Variants in DISC1 observed in about 807,000 individuals in gnomAD.
The protein encoded by DISC1 is DISC1 scaffold protein.
In DISC1, 57 loss-of-function variants were observed where a neutral mutation model predicts 84.5. That is an observed-to-expected ratio of 0.67 (90% CI 0.55 to 0.84). The LOEUF (loss-of-function observed/expected upper bound fraction) is 0.84. DISC1 is among the 40% of genes least tolerant of loss of function. The pLI is 0.00. For synonymous variants in DISC1, 411 were observed against 415.2 expected (o/e 0.99, Z 0.12); for missense variants, 1,000 against 1,057.8 (o/e 0.95, Z 0.76).
chr1:231,640,924 A>C (rs1223157843), intron 1 of DISC1, among the ~76,000 whole-genome samples: 2 of 152,140 alleles, frequency 1.3e-5, no homozygotes, highest in Non-Finnish European at 2.9e-5. Flanking sequence ...AGACTCTCCC[A>C]ATGCTGCCTT....
rs55740228 is a variant in DISC1 at position 232,002,595 on chromosome 1, GCACACA to G, written c.2043-6151_2043-6146del. 5.2e-3 allele frequency among the ~76,000 whole-genome samples: 746 copies of G among 143,718 alleles called. 6 individuals are homozygous for G. Among genetic ancestry groups the G allele is most frequent in the East Asian group, 0.015 (71 of 4,848 alleles). The allele number at this position is 143,718 out of a possible 152,430, so 94.3% of individuals were successfully genotyped here. On this transcript the variant is annotated intron_variant, in intron 10 of 12. Coordinates refer to ENST00000439617, the MANE Select transcript of DISC1 (RefSeq NM_018662.3). ...ACGAATCTCCAGGGAATTATGCTGA[GCACACA>G]CACACACACACACACACACACACAC...
At chr1:231,868,656 A>C (rs2085219411) in intron 9 of DISC1, among the ~76,000 whole-genome samples, 3 of 147,538 alleles carry the variant, frequency 2.0e-5, no homozygotes, top group Non-Finnish European at 4.5e-5. Flanking sequence ...CTAGGAGTTC[A>C]AGACCAGGCT....
chr1:232,002,706 TTTA>T (rs1365375717), intron 10 of DISC1, among the ~76,000 whole-genome samples: 1 of 151,792 alleles, frequency 6.6e-6, no homozygotes. Context: ...ATGACAACAT[TTTA>T]AAAAGTAGTA....
intron 9 of DISC1, among the ~76,000 whole-genome samples, chr1:231,845,117 C>T (rs561974324): frequency 4.5e-4 from 69 of 152,010 alleles, no homozygotes; most frequent in Admixed American, 1.2e-3. Flanking sequence ...ATGTTAATAC[C>T]GGAGGTTATA....
intron 1 of DISC1, among the ~76,000 whole-genome samples, chr1:231,646,107 C>A (rs2060109321): frequency 6.7e-6 from 1 of 149,928 alleles, no homozygotes; most frequent in African/African-American, 2.5e-5. Context: ...TTTTGATTAA[C>A]TCGTCATTTA....
chr1:231,809,748 A>G (rs1047723289), intron 8 of DISC1, among the ~76,000 whole-genome samples: 7 of 152,162 alleles, frequency 4.6e-5, no homozygotes, highest in Non-Finnish European at 8.8e-5. Context: ...TCCAATAATG[A>G]AAGTAGTTTT....
intron 10 of DISC1, among the ~76,000 whole-genome samples, chr1:231,985,949 G>A (rs1664365209): frequency 6.6e-6 from 1 of 152,126 alleles, no homozygotes; most frequent in African/African-American, 2.4e-5. Flanking sequence ...TGAAAATCTG[G>A]TGCCATCAGA....
In DISC1 at chr1:231,674,571, C is replaced by A. The variant is rs969971192; in HGVS notation, c.68-19255C>A. On this transcript the variant is annotated intron_variant, in intron 1 of 12. Coordinates refer to ENST00000439617, the MANE Select transcript of DISC1 (RefSeq NM_018662.3). The stretch of plus-strand genomic sequence containing the variant: ...ACTGATTTTCTTTTTGTCTCATCAC[C>A]AGGCTAGGTGTGACCCGGGTGTGCA... Among the ~76,000 whole-genome samples the A allele has an allele frequency of 2.0e-5, 3 of 152,270 alleles. 1 individual carries two copies. The highest frequency in any genetic ancestry group is 4.4e-5 in the Non-Finnish European group (3 of 68,022).
At chr1:231,979,494 C>CA (rs1663297323) in intron 10 of DISC1, among the ~76,000 whole-genome samples, 2 of 151,552 alleles carry the variant, frequency 1.3e-5, no homozygotes, top group South Asian at 4.2e-4. Flanking sequence ...ATTTTCAACT[C>CA]AAAGTTAATA....
chr1:231,852,353 A>G (rs1436314406), intron 9 of DISC1, among the ~76,000 whole-genome samples: 1 of 152,214 alleles, frequency 6.6e-6, no homozygotes, highest in African/African-American at 2.4e-5. Context: ...GGAATGCTCC[A>G]AAACTATTCA....
chr1:231,841,774 A>G (rs948336394), intron 9 of DISC1, among the ~76,000 whole-genome samples: 2 of 151,800 alleles, frequency 1.3e-5, no homozygotes, highest in South Asian at 2.1e-4. Flanking sequence ...AGGCTGCTCT[A>G]TGGCTGAGTA....
At chr1:231,961,539 C>T (rs1310825680) in intron 10 of DISC1, among the ~76,000 whole-genome samples, 1 of 152,144 alleles carries the variant, frequency 6.6e-6, no homozygotes, top group Non-Finnish European at 1.5e-5. Context: ...GCTTCCCTTC[C>T]TCCTCTGTCA....
intron 6 of DISC1, among the ~76,000 whole-genome samples, chr1:231,778,608 C>T (rs1396501682): frequency 6.6e-6 from 1 of 152,074 alleles, no homozygotes; most frequent in Admixed American, 6.5e-5. Flanking sequence ...GTATATCCTC[C>T]CGTTTTCTTC....
intron 9 of DISC1, among the ~76,000 whole-genome samples, chr1:231,885,272 C>T (rs1016809022): frequency 3.9e-4 from 60 of 152,192 alleles, no homozygotes; most frequent in African/African-American, 1.4e-3. Flanking sequence ...GGTTGTTTGC[C>T]CATGGGGGAA....
chr1:231,788,135 A>T (rs1468424432), intron 6 of DISC1, among the ~76,000 whole-genome samples: 4 of 152,104 alleles, frequency 2.6e-5, no homozygotes, highest in Non-Finnish European at 5.9e-5. Context: ...ATACCAAAAA[A>T]ATTAGCTGGG....
chr1:231,905,483 G>T (rs545185749), intron 9 of DISC1, among the ~76,000 whole-genome samples: 1 of 151,782 alleles, frequency 6.6e-6, no homozygotes, highest in Admixed American at 6.6e-5. Context: ...TTAGCCTGGC[G>T]TGGTGATGCA....
intron 3 of DISC1, among the ~76,000 whole-genome samples, chr1:231,730,688 G>C (rs1340635146): frequency 2.0e-5 from 3 of 152,136 alleles, no homozygotes; most frequent in African/African-American, 7.2e-5. Context: ...GGTAGGCTGG[G>C]GTAAGATATG....
chr1:231,808,244 G>T (rs935740235), intron 8 of DISC1, among the ~76,000 whole-genome samples: 7 of 152,180 alleles, frequency 4.6e-5, no homozygotes, highest in African/African-American at 1.7e-4. Flanking sequence ...TGGTTTTAAT[G>T]TCCTGTGAGG....
intron 1 of DISC1, among the ~76,000 whole-genome samples, chr1:231,663,713 C>T (rs981851499): frequency 6.6e-6 from 1 of 152,308 alleles, no homozygotes; most frequent in Non-Finnish European, 1.5e-5. Flanking sequence ...TTTAGCACAT[C>T]ACATTTGATA....
Sources: gnomAD v4.1 joint callset for allele counts (sites outside exome capture counted in the v4.1 genomes callset) on GRCh38, gnomAD v4.1.1 for gene constraint, MANE v1.5 for transcripts, NCBI Gene and HGNC (gene_info 2026-07-23, HGNC 2026-07-21) for gene names.